Variants in TAF3 observed in about 807,000 individuals in gnomAD.
TAF3 encodes the protein transcription initiation factor TFIID subunit 3.
TAF3 carries 7 observed loss-of-function variants against 80.6 expected under a neutral mutation model. The ratio of observed to expected loss-of-function variants is 0.09; its 90% CI spans 0.05 to 0.16. The LOEUF is 0.16. Among genes scored for constraint, TAF3 ranks in the 10% least tolerant of loss-of-function variants. The pLI is 1.00. For missense variants in TAF3, 921 were observed against 1,140.2 expected, an observed-to-expected ratio of 0.81 and a Z score of 2.77; for synonymous variants, 444 against 446.1, an observed-to-expected ratio of 1.00 and a Z score of 0.06.
At chr10:7,963,847 T>G in intron 2 of TAF3, 73 bp from the exon 3 acceptor site, 3 of 1,315,272 alleles carry the variant, frequency 2.3e-6, no homozygotes, top group Non-Finnish European at 3.1e-6. Context: ...ATTTGAAGCA[T>G]TGTTTTTATT....
At chr10:7,993,179 C>A (rs896645445) in intron 4 of TAF3, among the ~76,000 whole-genome samples, 2 of 152,126 alleles carry the variant, frequency 1.3e-5, no homozygotes, top group African/African-American at 4.8e-5. Flanking sequence ...CGCTCCTCCT[C>A]CTTTTTTGCA....
intron 2 of TAF3, among the ~76,000 whole-genome samples, chr10:7,945,671 G>T (rs1203613392): frequency 6.6e-6 from 1 of 151,990 alleles, no homozygotes; most frequent in Non-Finnish European, 1.5e-5. Context: ...GTGTGCCCTT[G>T]CTCCTCTGCC....
rs1832095644 is a variant in TAF3, at chr10:8,015,534, T to G, written c.*783T>G. 6.6e-6 allele frequency: 1 copy of G among 152,138 alleles called. No individual in the cohort carries two copies. Among genetic ancestry groups the G allele is most frequent in the Non-Finnish European group, 1.5e-5 (1 of 68,030 alleles). The allele number at this position is 152,138 out of a possible 1,614,324, so 9.4% of individuals were successfully genotyped here. A position where few individuals can be genotyped will look rare whatever the true frequency, so the allele number is the denominator to read the frequency against. On this transcript the variant is annotated 3_prime_UTR_variant, in exon 7 of 7. Transcript: ENST00000344293. Reference sequence around the variant, plus strand: ...TGCCCCTAATGTAAATAATAAATATTTATGAAGTAGTTATTTTTTAAATTT... The same window carrying G: ...TGCCCCTAATGTAAATAATAAATATGTATGAAGTAGTTATTTTTTAAATTT...
At chr10:7,942,503 G>C (rs756637417) in intron 2 of TAF3, among the ~76,000 whole-genome samples, 3 of 152,128 alleles carry the variant, frequency 2.0e-5, no homozygotes, top group Non-Finnish European at 4.4e-5. Flanking sequence ...ACACAGTCTT[G>C]CTGATTTACC....
At chr10:7,852,374 G>A (rs945237713) in intron 2 of TAF3, among the ~76,000 whole-genome samples, 5 of 152,100 alleles carry the variant, frequency 3.3e-5, no homozygotes, top group South Asian at 2.1e-4. Context: ...ACATCCACAC[G>A]TTGTGACTGG....
chr10:7,913,267 G>A (rs887053551), intron 2 of TAF3, among the ~76,000 whole-genome samples: 4 of 152,088 alleles, frequency 2.6e-5, no homozygotes, highest in African/African-American at 9.7e-5. Flanking sequence ...GGAGGACATG[G>A]GAGGACATGA....
intron 4 of TAF3, among the ~76,000 whole-genome samples, chr10:7,996,993 C>A (rs568251454): frequency 6.6e-6 from 1 of 151,868 alleles, no homozygotes; most frequent in Admixed American, 6.6e-5. Context: ...TGGGCCCAGC[C>A]GAGGAGAGGG....
At chr10:7,962,382 T>TG (rs1831517660) in intron 2 of TAF3, among the ~76,000 whole-genome samples, 3 of 152,204 alleles carry the variant, frequency 2.0e-5, no homozygotes, top group Admixed American at 2.0e-4. Context: ...TGCGTGTTCC[T>TG]GCCAGTGTGA....
At chr10:7,837,502 G>C (rs983806612) in intron 2 of TAF3, among the ~76,000 whole-genome samples, 1 of 152,138 alleles carries the variant, frequency 6.6e-6, no homozygotes, top group Non-Finnish European at 1.5e-5. Flanking sequence ...AATTAGCTGG[G>C]CGTGGTGGTG....
chr10:7,994,516 T>G (rs1022052277), intron 4 of TAF3, among the ~76,000 whole-genome samples: 2 of 152,162 alleles, frequency 1.3e-5, no homozygotes, highest in Non-Finnish European at 2.9e-5. Flanking sequence ...TATTTATTTA[T>G]TGTTATTTAA....
At chr10:7,866,148 A>G (rs558247083) in intron 2 of TAF3, among the ~76,000 whole-genome samples, 3 of 152,342 alleles carry the variant, frequency 2.0e-5, no homozygotes, top group East Asian at 3.9e-4. Context: ...AAGTTCCTCC[A>G]GTATGCATAT....
At chr10:7,893,816 T>A (rs1380774283) in intron 2 of TAF3, among the ~76,000 whole-genome samples, 1 of 152,170 alleles carries the variant, frequency 6.6e-6, no homozygotes, top group African/African-American at 2.4e-5. Context: ...TTTATTAGGA[T>A]CCTTCTTACA....
chr10:7,891,037 G>A (rs576559914), intron 2 of TAF3, among the ~76,000 whole-genome samples: 62 of 152,272 alleles, frequency 4.1e-4, no homozygotes, highest in South Asian at 3.7e-3. Context: ...TTGGGGCCCC[G>A]CCCTTTGCAT....
At chr10:8,005,463 C>T (rs562238222) in intron 4 of TAF3, among the ~76,000 whole-genome samples, 12 of 152,358 alleles carry the variant, frequency 7.9e-5, no homozygotes, top group African/African-American at 2.4e-4. Flanking sequence ...ATGCCATTCT[C>T]GTGCATCTTT....
chr10:7,989,131 G>T (rs1380555156), intron 4 of TAF3, among the ~76,000 whole-genome samples: 1 of 152,156 alleles, frequency 6.6e-6, no homozygotes, highest in East Asian at 1.9e-4. Flanking sequence ...AATGGGCCTG[G>T]AAGTCCCAGA....
intron 2 of TAF3, among the ~76,000 whole-genome samples, chr10:7,873,463 G>A (rs76408917): frequency 7.9e-5 from 12 of 152,230 alleles, no homozygotes; most frequent in Non-Finnish European, 1.3e-4. Flanking sequence ...AACCTGTCAT[G>A]TAATTTTAGA....
intron 4 of TAF3, among the ~76,000 whole-genome samples, chr10:7,991,217 C>G (rs1451087199): frequency 6.6e-6 from 1 of 151,904 alleles, no homozygotes; most frequent in Non-Finnish European, 1.5e-5. Flanking sequence ...ACATACACAT[C>G]CGTATGCATG....
chr10:7,929,822 A>T (rs1034124774), intron 2 of TAF3, among the ~76,000 whole-genome samples: 4 of 150,742 alleles, frequency 2.7e-5, no homozygotes, highest in African/African-American at 9.7e-5. Flanking sequence ...GGTAAGATGG[A>T]AAAAAAAAAT....
At chr10:7,933,264 T>C (rs2131199007) in intron 2 of TAF3, among the ~76,000 whole-genome samples, 1 of 152,320 alleles carries the variant, frequency 6.6e-6, no homozygotes, top group East Asian at 1.9e-4. Context: ...TCACTGAACA[T>C]ACAAGTGTTT....
Sources: allele counts gnomAD v4.1 joint callset (sites outside exome capture counted in the v4.1 genomes callset), GRCh38; gene constraint gnomAD v4.1.1; transcripts MANE v1.5; gene names NCBI Gene and HGNC (gene_info 2026-07-23, HGNC 2026-07-21).